The following PRLR variants were observed in gnomAD, a reference collection of about 807,000 sequenced individuals.
The protein encoded by PRLR is hPRL receptor.
Under a neutral mutation model 40.2 loss-of-function variants are expected in PRLR, and 13 were observed. The ratio of observed to expected loss-of-function variants is 0.32; its 90% CI spans 0.21 to 0.51. The LOEUF (loss-of-function observed/expected upper bound fraction) is 0.51. PRLR is among the 20% of genes least tolerant of loss of function. The pLI, the probability that PRLR is intolerant of heterozygous loss-of-function variation, is 0.97. For missense variants in PRLR, 656 were observed against 747.3 expected (o/e 0.88, Z 1.42); for synonymous variants, 269 against 278.7 (o/e 0.97, Z 0.35).
intron 1 of PRLR, among the ~76,000 whole-genome samples, chr5:35,197,778 G>A (rs915995040): frequency 2.6e-5 from 4 of 152,204 alleles, no homozygotes; most frequent in South Asian, 4.1e-4. Context: ...CAGTATAGTC[G>A]CTGACTGCAG....
At chr5:35,201,858 G>A (rs1011640606) in intron 1 of PRLR, among the ~76,000 whole-genome samples, 2 of 152,054 alleles carry the variant, frequency 1.3e-5, no homozygotes, top group Non-Finnish European at 2.9e-5. Flanking sequence ...TTCACTCCTT[G>A]ACCCCAAAAC....
At chr5:35,088,998 A>G (rs1771035793) in intron 3 of PRLR, among the ~76,000 whole-genome samples, 2 of 152,224 alleles carry the variant, frequency 1.3e-5, no homozygotes. Context: ...AGAAATGCAC[A>G]TGGGTTGACA....
At chr5:35,221,795 T>G (rs908582376) in intron 1 of PRLR, among the ~76,000 whole-genome samples, 5 of 152,204 alleles carry the variant, frequency 3.3e-5, no homozygotes, top group African/African-American at 1.2e-4. Flanking sequence ...TTTTGGAAAT[T>G]GTTTTAAATC....
At chr5:35,204,855 A>C (rs1049303643) in intron 1 of PRLR, among the ~76,000 whole-genome samples, 1 of 152,174 alleles carries the variant, frequency 6.6e-6, no homozygotes, top group Non-Finnish European at 1.5e-5. Flanking sequence ...CTTGAATTCA[A>C]GTGATACTCA....
intron 1 of PRLR, among the ~76,000 whole-genome samples, chr5:35,229,114 A>T (rs1776626194): frequency 6.8e-6 from 1 of 147,838 alleles, no homozygotes; most frequent in African/African-American, 2.5e-5. Context: ...TTATATATAT[A>T]TTATATATAT....
At chr5:35,192,237 T>C (rs370635846) in intron 1 of PRLR, among the ~76,000 whole-genome samples, 2 of 152,188 alleles carry the variant, frequency 1.3e-5, no homozygotes, top group African/African-American at 4.8e-5. Context: ...GAATGACACA[T>C]AGTTCAACAT....
At chr5:35,111,002 C>A (rs1772629270) in intron 2 of PRLR, among the ~76,000 whole-genome samples, 1 of 152,196 alleles carries the variant, frequency 6.6e-6, no homozygotes, top group African/African-American at 2.4e-5. Context: ...ACCCCCACCC[C>A]ATCCCAGGCT....
chr5:35,141,579 A>G (rs1168037802), intron 1 of PRLR, among the ~76,000 whole-genome samples: 1 of 152,228 alleles, frequency 6.6e-6, no homozygotes, highest in Non-Finnish European at 1.5e-5. Context: ...AAAAGCAACC[A>G]TGAAGAATGA....
At chr5:35,216,302 GA>G (rs1176271573) in intron 1 of PRLR, among the ~76,000 whole-genome samples, 1 of 63,762 alleles carries the variant, frequency 1.6e-5, no homozygotes, top group Non-Finnish European at 3.5e-5. Context: ...ATAGTGGGCT[GA>G]ATGGTTTATT....
In PRLR at chr5:35,153,717, T is replaced by TACACAC. The variant is rs35934860; in HGVS notation, c.-105-35601_-105-35596dup. 1.0e-4 allele frequency among the ~76,000 whole-genome samples: 15 copies of TACACAC among 143,478 alleles called. No individual in the cohort carries two copies. The East Asian group carries it at 1.4e-3, about 13-fold the overall frequency. 94.1% of individuals were successfully genotyped at this position (143,478 alleles called of 152,430 possible). A position where few individuals can be genotyped will look rare whatever the true frequency, so the allele number is the denominator to read the frequency against. ...CTCTGCCAACTGTTCCCCACCATTG[T>TACACAC]ACACACACACACACACACACACTGC... On this transcript the variant is annotated intron_variant, in intron 1 of 9. Transcript: ENST00000618457.
At chr5:35,055,616 G>A (rs1768671295), downstream of PRLR, 1 of 151,892 alleles carries the variant, frequency 6.6e-6, no homozygotes. Flanking sequence ...AAATTTTGTT[G>A]TGGCAAAGAA....
chr5:35,228,234 A>C (rs1776601008), intron 1 of PRLR, among the ~76,000 whole-genome samples: 1 of 32,908 alleles, frequency 3.0e-5, no homozygotes, highest in Admixed American at 2.4e-4. Flanking sequence ...CAACCATGCA[A>C]AAAAAAAAAA....
intron 8 of PRLR, chr5:35,049,557 G>T: frequency 1.7e-6 from 1 of 593,460 alleles, no homozygotes; most frequent in South Asian, 2.1e-5. Flanking sequence ...GCCTAGAATT[G>T]CATAAAGAAG....
At chr5:35,113,113 T>A (rs377526023) in intron 2 of PRLR, among the ~76,000 whole-genome samples, 3 of 150,884 alleles carry the variant, frequency 2.0e-5, no homozygotes, top group African/African-American at 7.3e-5. Flanking sequence ...CATCAATCCA[T>A]CAACCCGCCC....
At chr5:35,070,036 A>G (rs1364358615) in intron 7 of PRLR, 88 bp downstream of exon 7, 1 of 1,437,346 alleles carries the variant, frequency 7.0e-7, no homozygotes, top group Non-Finnish European at 9.3e-7. Flanking sequence ...AAGGCTCAAA[A>G]TGGTTTCTCT....
At chr5:35,150,166 G>A (rs1774300043) in intron 1 of PRLR, among the ~76,000 whole-genome samples, 1 of 152,198 alleles carries the variant, frequency 6.6e-6, no homozygotes, top group African/African-American at 2.4e-5. Flanking sequence ...TTACAGGCGT[G>A]AGCCACCACG....
At chr5:35,181,525 C>A (rs1775297114) in intron 1 of PRLR, among the ~76,000 whole-genome samples, 1 of 152,126 alleles carries the variant, frequency 6.6e-6, no homozygotes, top group Non-Finnish European at 1.5e-5. Flanking sequence ...CTACGTTATT[C>A]TTTTAGAAGA....
downstream of PRLR, among the ~76,000 whole-genome samples, chr5:35,053,013 G>A (rs1296248414): frequency 6.6e-6 from 1 of 152,108 alleles, no homozygotes; most frequent in East Asian, 1.9e-4. Flanking sequence ...TTCAACTTTT[G>A]TCAGTGACTT....
intron 4 of PRLR, among the ~76,000 whole-genome samples, 176 bp downstream of exon 4, chr5:35,086,032 T>C (rs1487239760): frequency 6.6e-6 from 1 of 152,120 alleles, no homozygotes; most frequent in African/African-American, 2.4e-5. Flanking sequence ...GACACAGCTC[T>C]TAACAGACAT....
Sources: gnomAD v4.1 joint callset for allele counts (sites outside exome capture counted in the v4.1 genomes callset) on GRCh38, gnomAD v4.1.1 for gene constraint, MANE v1.5 for transcripts, NCBI Gene and HGNC (gene_info 2026-07-23, HGNC 2026-07-21) for gene names.